MAPKAP1: variants seen among roughly 807,000 people sequenced by gnomAD.
The protein encoded by MAPKAP1 is target of rapamycin complex 2 subunit MAPKAP1.
Under a neutral mutation model 65.7 loss-of-function variants are expected in MAPKAP1, and 20 were observed. The observed-to-expected ratio is 0.30, with a 90% CI of 0.21 to 0.44. The LOEUF is 0.44. Ranked by LOEUF, MAPKAP1 falls within the 20% of genes least tolerant of loss-of-function variation. The pLI is 1.00. For missense variants in MAPKAP1, 423 were observed against 648.0 expected (o/e 0.65, Z 3.77); for synonymous variants, 222 against 244.3 (o/e 0.91, Z 0.85).
chr9:125,511,388 T>C (rs557886791), intron 7 of MAPKAP1, among the ~76,000 whole-genome samples: 49 of 152,294 alleles, frequency 3.2e-4, no homozygotes, highest in Admixed American at 4.6e-4. Context: ...CTGTGATTTA[T>C]AGAGGTTAAA....
intron 5 of MAPKAP1, among the ~76,000 whole-genome samples, chr9:125,577,180 G>A (rs577628): frequency 0.49 from 73,257 of 149,984 alleles, 18,372 homozygotes; most frequent in East Asian, 0.66. Flanking sequence ...CGCCCCGTCC[G>A]GGATGTGAGG....
chr9:125,567,431 C>T (rs1407736405), intron 5 of MAPKAP1: 2 of 152,228 alleles, frequency 1.3e-5, no homozygotes, highest in African/African-American at 2.4e-5. Flanking sequence ...CTGCTACACT[C>T]CCACCAGCGC....
At chr9:125,704,086 G>T (rs572826502) in intron 1 of MAPKAP1, among the ~76,000 whole-genome samples, 4 of 152,164 alleles carry the variant, frequency 2.6e-5, no homozygotes, top group Admixed American at 1.3e-4. Context: ...CTGGCACACT[G>T]AAGCTACAGC....
chr9:125,663,954 GC>G (rs1271501416), intron 3 of MAPKAP1, among the ~76,000 whole-genome samples: 2 of 152,280 alleles, frequency 1.3e-5, no homozygotes, highest in Non-Finnish European at 2.9e-5. Context: ...ACACACTATA[GC>G]ATTCAGAAGA....
chr9:125,698,329 ATATATAT>A lies in MAPKAP1; in HGVS notation c.-70+8635_-70+8641del, dbSNP rs1564622633. ...TATATATATATATATATATATATAT[ATATATAT>A]AAAATATATATATTTTTTGAGATGG... is the stretch of plus-strand genomic sequence containing the variant. On this transcript the variant is annotated intron_variant, in intron 1 of 11. Transcript: ENST00000265960. 1.1e-4 allele frequency among the ~76,000 whole-genome samples: 11 copies of A among 101,322 alleles called. No individual in the cohort carries two copies. In the East Asian group the frequency reaches 1.2e-3, roughly 11 times the overall value. 66.5% of individuals were successfully genotyped at this position (101,322 alleles called of 152,430 possible). A position where few individuals can be genotyped will look rare whatever the true frequency, so the allele number is the denominator to read the frequency against.
intron 9 of MAPKAP1, among the ~76,000 whole-genome samples, chr9:125,469,396 G>A (rs1482944576): frequency 6.6e-6 from 1 of 151,954 alleles, no homozygotes; most frequent in Non-Finnish European, 1.5e-5. Context: ...CAGTCTGACA[G>A]CAAATTTAAA....
intron 4 of MAPKAP1, among the ~76,000 whole-genome samples, chr9:125,653,543 G>C (rs983068327): frequency 6.6e-6 from 1 of 152,126 alleles, no homozygotes. Flanking sequence ...AGGGGAGAAG[G>C]GCAGGGGAAG....
intron 7 of MAPKAP1, among the ~76,000 whole-genome samples, chr9:125,518,731 A>C (rs1457198306): frequency 6.6e-6 from 1 of 152,240 alleles, no homozygotes; most frequent in African/African-American, 2.4e-5. Flanking sequence ...TATTAAATTT[A>C]TAAGATATAG....
intron 9 of MAPKAP1, among the ~76,000 whole-genome samples, chr9:125,472,815 G>T (rs1468089901): frequency 6.6e-6 from 1 of 152,214 alleles, no homozygotes; most frequent in African/African-American, 2.4e-5. Flanking sequence ...AAAAGGACGT[G>T]CTCCAAAAAC....
chr9:125,517,391 G>C (rs1025561024), intron 7 of MAPKAP1, among the ~76,000 whole-genome samples: 1 of 152,016 alleles, frequency 6.6e-6, no homozygotes, highest in Non-Finnish European at 1.5e-5. Flanking sequence ...CCAGGGTTGG[G>C]GTGGGGGTTC....
chr9:125,479,115 G>A lies in MAPKAP1; in HGVS notation c.1207+5328C>T, dbSNP rs369643241. 1.8e-4 allele frequency among the ~76,000 whole-genome samples: 27 copies of A among 152,330 alleles called. 1 individual carries two copies. The East Asian group carries it at 2.3e-3, about 13-fold the overall frequency. On this transcript the variant is annotated intron_variant, in intron 9 of 11. Transcript: ENST00000265960. ...AAAATCAGTACTATCTAATAAGAGTGCTTCGATTTCAGGCGCCAGCGCATG... is the reference window on the plus strand; with the variant it reads ...AAAATCAGTACTATCTAATAAGAGTACTTCGATTTCAGGCGCCAGCGCATG...
At chr9:125,549,796 AAG>A (rs1292120230) in intron 6 of MAPKAP1, among the ~76,000 whole-genome samples, 2 of 152,200 alleles carry the variant, frequency 1.3e-5, no homozygotes, top group East Asian at 1.9e-4. Context: ...AGATGCCAGT[AAG>A]AGAGACAGCT....
chr9:125,500,220 C>G (rs1411434115), intron 8 of MAPKAP1, among the ~76,000 whole-genome samples: 1 of 151,992 alleles, frequency 6.6e-6, no homozygotes, highest in African/African-American at 2.4e-5. Context: ...TGGAGTCTCA[C>G]TCTGTCACCC....
chr9:125,600,320 T>G (rs1832265082), intron 4 of MAPKAP1, among the ~76,000 whole-genome samples: 1 of 152,048 alleles, frequency 6.6e-6, no homozygotes, highest in Admixed American at 6.5e-5. Flanking sequence ...TTCACCAACA[T>G]AAGTTACATT....
At chr9:125,622,607 G>A (rs931081739) in intron 4 of MAPKAP1, among the ~76,000 whole-genome samples, 2 of 151,776 alleles carry the variant, frequency 1.3e-5, no homozygotes, top group African/African-American at 2.4e-5. Flanking sequence ...CACCATGCCT[G>A]GCTAATTTTT....
At chr9:125,461,279 T>C (rs1183398779) in intron 10 of MAPKAP1, among the ~76,000 whole-genome samples, 2 of 152,200 alleles carry the variant, frequency 1.3e-5, no homozygotes, top group Non-Finnish European at 2.9e-5. Flanking sequence ...AAAATTGTGG[T>C]GGTCCCTCTG....
intron 10 of MAPKAP1, among the ~76,000 whole-genome samples, chr9:125,459,661 G>A (rs916464399): frequency 2.0e-5 from 3 of 152,248 alleles, no homozygotes; most frequent in East Asian, 3.8e-4. Flanking sequence ...AAAAAAATAC[G>A]AAAGCCAGTC....
chr9:125,673,641 C>T (rs1023624539), intron 1 of MAPKAP1, among the ~76,000 whole-genome samples: 1 of 151,998 alleles, frequency 6.6e-6, no homozygotes, highest in Non-Finnish European at 1.5e-5. Context: ...GTAATGAGGC[C>T]GGGCACAGTG....
At chr9:125,465,037 AG>A (rs1472441109) in intron 10 of MAPKAP1, among the ~76,000 whole-genome samples, 1 of 152,258 alleles carries the variant, frequency 6.6e-6, no homozygotes, top group Non-Finnish European at 1.5e-5. Flanking sequence ...CTTTTTGTAA[AG>A]AAAGCTGTTT....
Sources: gnomAD v4.1 joint callset for allele counts (sites outside exome capture counted in the v4.1 genomes callset) on GRCh38, gnomAD v4.1.1 for gene constraint, MANE v1.5 for transcripts, NCBI Gene and HGNC (gene_info 2026-07-23, HGNC 2026-07-21) for gene names.